Variants in RFTN1 observed in about 807,000 individuals in gnomAD.
RFTN1 encodes raftlin.
In RFTN1, 26 loss-of-function variants were observed where a neutral mutation model predicts 46.5. That is an observed-to-expected ratio of 0.56 (90% CI 0.41 to 0.78). The LOEUF is 0.78. RFTN1 is among the 30% of genes least tolerant of loss of function. The probability of loss-of-function intolerance (pLI) is 0.00; values close to 1 mark genes in which losing one functional copy is unlikely to be tolerated. For synonymous variants in RFTN1, 261 were observed against 284.2 expected, an observed-to-expected ratio of 0.92 and a Z score of 0.82; for missense variants, 693 against 718.7, an observed-to-expected ratio of 0.96 and a Z score of 0.41.
intron 5 of RFTN1, 138 bp downstream of exon 5, chr3:16,377,576 TGATA>T: frequency 1.5e-6 from 2 of 1,344,824 alleles, no homozygotes; most frequent in Non-Finnish European, 9.9e-7. Context: ...GATAACTGCT[TGATA>T]AAGTTTCTCC....
rs690268 is a variant in RFTN1 at position 16,361,556 on chromosome 3, C to G, written c.1031-3509G>C. 0.48 allele frequency among the ~76,000 whole-genome samples: 72,821 copies of G among 151,912 alleles called. 18,332 individuals carry two copies. The highest frequency in any genetic ancestry group is 0.59 in the Middle Eastern group (173 of 294). On this transcript the variant is annotated intron_variant, in intron 6 of 9. Coordinates refer to ENST00000334133, the MANE Select transcript of RFTN1 (RefSeq NM_015150.2). This position sits in a 1 kb window ranked among gnomAD's most constrained non-coding sequence, Gnocchi z 4.3. ...TCGAGTGAACTAAGCAAGCAAGGAA[C>G]ATGGATCTGCAGGGTTTGAGAGTTC...
At chr3:16,456,962 T>G (rs192924641) in intron 2 of RFTN1, among the ~76,000 whole-genome samples, 26 of 152,322 alleles carry the variant, frequency 1.7e-4, no homozygotes, top group Middle Eastern at 3.4e-3. Flanking sequence ...ACCACTTCTG[T>G]CATAAAAACA....
intron 6 of RFTN1, among the ~76,000 whole-genome samples, chr3:16,367,356 C>T (rs1163762772): frequency 7.1e-6 from 1 of 141,318 alleles, no homozygotes; most frequent in African/African-American, 2.6e-5. Flanking sequence ...TTGGACTTTT[C>T]CAGAGCAGAA....
At position 16,320,710 on chromosome 3, in the gene RFTN1, T is replaced by C. The variant is rs137999030; in HGVS notation, c.1332+2666A>G. ...CGAGTAGAGCTAGAAAGGAGGAGAA[T>C]GTCCTTGGCAGAGGGGACACGGAAG... is the stretch of plus-strand genomic sequence containing the variant. On this transcript the variant is annotated intron_variant, in intron 9 of 9. Coordinates refer to ENST00000334133, the MANE Select transcript of RFTN1 (RefSeq NM_015150.2). This position sits in a 1 kb window ranked among gnomAD's most constrained non-coding sequence, Gnocchi z 4.5. Among the ~76,000 whole-genome samples, 277 of 152,234 alleles carry C rather than the reference T, an allele frequency of 1.8e-3. 2 individuals carry two copies. Among genetic ancestry groups the C allele is most frequent in the Middle Eastern group, 3.4e-3 (1 of 294 alleles).
At position 16,446,178 on chromosome 3, in the gene RFTN1, C is replaced by T. The variant is rs1270946898; in HGVS notation, c.146-12141G>A. On this transcript the variant is annotated intron_variant, in intron 2 of 9. Coordinates refer to ENST00000334133, the MANE Select transcript of RFTN1 (RefSeq NM_015150.2). The surrounding 1 kb of genome is among the most constrained non-coding windows in gnomAD (Gnocchi z 4.5). ...CTGGTGGATGGTGAACTCTGGGGTCCCCATATTCCCTGGGCCCTAAAGCAG... is the reference window on the plus strand; with the variant it reads ...CTGGTGGATGGTGAACTCTGGGGTCTCCATATTCCCTGGGCCCTAAAGCAG... 1.3e-5 allele frequency among the ~76,000 whole-genome samples: 2 copies of T among 151,758 alleles called. No homozygotes were observed. Among genetic ancestry groups the T allele is most frequent in the African/African-American group, 4.8e-5 (2 of 41,254 alleles).
Position 16,479,994 on chromosome 3 carries a change from A to C in RFTN1, c.145+13731T>G, listed in dbSNP as rs189371206. 5.2e-4 allele frequency among the ~76,000 whole-genome samples: 79 copies of C among 151,678 alleles called. 1 individual carries two copies. Among genetic ancestry groups the C allele is most frequent in the African/African-American group, 1.8e-3 (76 of 41,340 alleles). ...CAGACACCAGACTAGGACATTAAAAACTCCAGAATTTGGTGGGATGTTTCA... is the reference window on the plus strand; with the variant it reads ...CAGACACCAGACTAGGACATTAAAACCTCCAGAATTTGGTGGGATGTTTCA... On this transcript the variant is annotated intron_variant, in intron 2 of 9. Transcript: ENST00000334133. The surrounding 1 kb of genome is among the most constrained non-coding windows in gnomAD (Gnocchi z 5.1).
Position 16,337,368 on chromosome 3 carries a change from T to G in RFTN1, c.1147-10492A>C, listed in dbSNP as rs767555583. On this transcript the variant is annotated intron_variant, in intron 7 of 9. Coordinates refer to ENST00000334133, the MANE Select transcript of RFTN1 (RefSeq NM_015150.2). The surrounding 1 kb of genome is among the most constrained non-coding windows in gnomAD (Gnocchi z 5.0). Reference sequence around the variant, plus strand: ...GCTTTATTACACAGCAGAAGCTAACTGGTGTATTACTATTATTACTATTAT... The same window carrying G: ...GCTTTATTACACAGCAGAAGCTAACGGGTGTATTACTATTATTACTATTAT... 6.6e-6 allele frequency: 1 copy of G among 152,228 alleles called. No individual in the cohort carries two copies. Among genetic ancestry groups the G allele is most frequent in the African/African-American group, 2.4e-5 (1 of 41,454 alleles). The allele number at this position is 152,228 out of a possible 1,614,324, so 9.4% of individuals were successfully genotyped here.
chr3:16,328,426 A>C (rs1011310916), intron 7 of RFTN1, among the ~76,000 whole-genome samples: 1 of 152,182 alleles, frequency 6.6e-6, no homozygotes, highest in Non-Finnish European at 1.5e-5. Flanking sequence ...GGCGAGTGGG[A>C]TGGAAGGCAG....
chr3:16,349,733 T>G (rs915620174), intron 7 of RFTN1: 1 of 152,252 alleles, frequency 6.6e-6, no homozygotes, highest in African/African-American at 2.4e-5. Context: ...CATCACAGCA[T>G]TTGTATCTGA....
intron 2 of RFTN1, 125 bp downstream of exon 2, chr3:16,493,600 A>C: frequency 2.4e-6 from 2 of 849,736 alleles, no homozygotes; most frequent in Non-Finnish European, 1.8e-6. Flanking sequence ...CCCTTGAGAC[A>C]GGCCTGCCCT....
rs1290088582 is a variant in RFTN1 at position 16,427,750 on chromosome 3, A to G, written c.332+6101T>C. Reference sequence around the variant, plus strand: ...GGCCCTGGCCTGAGGGGCTCATTACAGCACCACACACAGCCTCCTCCAGGC... The same window carrying G: ...GGCCCTGGCCTGAGGGGCTCATTACGGCACCACACACAGCCTCCTCCAGGC... On this transcript the variant is annotated intron_variant, in intron 3 of 9. Coordinates refer to ENST00000334133, the MANE Select transcript of RFTN1 (RefSeq NM_015150.2). The surrounding 1 kb of genome is among the most constrained non-coding windows in gnomAD (Gnocchi z 5.4). Among the ~76,000 whole-genome samples, 1 of 152,212 alleles carries G rather than the reference A, an allele frequency of 6.6e-6. No individual in the cohort carries two copies. Among genetic ancestry groups the G allele is most frequent in the Non-Finnish European group, 1.5e-5 (1 of 68,038 alleles).
In RFTN1 at chr3:16,380,941, A is replaced by C. The variant is rs1189915227; in HGVS notation, c.442-2839T>G. On this transcript the variant is annotated intron_variant, in intron 4 of 9. Transcript: ENST00000334133. This position sits in a 1 kb window ranked among gnomAD's most constrained non-coding sequence, Gnocchi z 4.8. ...CCTTGAAGGTAGGGATGGAGACATT[A>C]ATTTTTCAGCTGTAGAATCCAACAA... 6.6e-6 allele frequency among the ~76,000 whole-genome samples: 1 copy of C among 152,178 alleles called. No individual in the cohort carries two copies. Among genetic ancestry groups the C allele is most frequent in the African/African-American group, 2.4e-5 (1 of 41,442 alleles).
Position 16,413,751 on chromosome 3 carries a change from T to C in RFTN1, c.333-4268A>G, listed in dbSNP as rs1012447028. 1.1e-4 allele frequency among the ~76,000 whole-genome samples: 17 copies of C among 152,164 alleles called. No homozygotes were observed. The highest frequency in any genetic ancestry group is 3.9e-4 in the African/African-American group (16 of 41,438). On this transcript the variant is annotated intron_variant, in intron 3 of 9. Transcript: ENST00000334133. The surrounding 1 kb of genome is among the most constrained non-coding windows in gnomAD (Gnocchi z 4.7). ...ACTCTGAGGAGAGCATGACTAATAA[T>C]AAAATATGCTTCCCCATCACTCGCC...
In RFTN1 at chr3:16,377,635, TTC is replaced by T. The variant is rs2073827386; in HGVS notation, c.826+81_826+82del. On this transcript the variant is annotated intron_variant, in intron 5 of 9. Transcript: ENST00000334133. ...TCTACACTCTAAATTCCATTCCTTT[TTC>T]TCTGAGATACCATGGGGATTAATGA... 3 of 1,508,472 alleles carry T rather than the reference TTC, an allele frequency of 2.0e-6. No homozygotes were observed. In the Admixed American group the frequency reaches 6.7e-5, roughly 34 times the overall value. The allele number at this position is 1,508,472 out of a possible 1,614,324, so 93.4% of individuals were successfully genotyped here. A position where few individuals can be genotyped will look rare whatever the true frequency, so the allele number is the denominator to read the frequency against.
intron 2 of RFTN1, among the ~76,000 whole-genome samples, chr3:16,436,357 A>G (rs1160508070): frequency 2.3e-5 from 3 of 130,990 alleles, no homozygotes; most frequent in African/African-American, 8.3e-5. Flanking sequence ...TGAAAAAAAA[A>G]ATTTTTTTTT....
At chr3:16,331,962 A>G (rs2070360315) in intron 7 of RFTN1, among the ~76,000 whole-genome samples, 3 of 152,242 alleles carry the variant, frequency 2.0e-5, no homozygotes, top group Admixed American at 1.3e-4. Flanking sequence ...AGATGTCAGC[A>G]ATGCTATTGA....
In RFTN1 at chr3:16,382,446, T is replaced by C. The variant is rs780956918; in HGVS notation, c.442-4344A>G. ...AACCTTTACTGAGCCAGTCTCACAT[T>C]CATCATGGTGGTGGGCATGCGATGT... On this transcript the variant is annotated intron_variant, in intron 4 of 9. Coordinates refer to ENST00000334133, the MANE Select transcript of RFTN1 (RefSeq NM_015150.2). The surrounding 1 kb of genome is among the most constrained non-coding windows in gnomAD (Gnocchi z 4.7). 4.6e-5 allele frequency among the ~76,000 whole-genome samples: 7 copies of C among 152,210 alleles called. No homozygotes were observed. The highest frequency in any genetic ancestry group is 7.3e-5 in the Non-Finnish European group (5 of 68,044).
chr3:16,357,233 A>C (rs888546208), intron 7 of RFTN1, among the ~76,000 whole-genome samples: 2 of 152,188 alleles, frequency 1.3e-5, no homozygotes, highest in African/African-American at 4.8e-5. Flanking sequence ...ACAAGAGACT[A>C]GGCTAAAAAG....
chr3:16,422,718 A>C lies in RFTN1; in HGVS notation c.332+11133T>G, dbSNP rs557542713. Among the ~76,000 whole-genome samples the C allele has an allele frequency of 6.6e-6, 1 of 152,342 alleles. No individual in the cohort carries two copies. Among genetic ancestry groups the C allele is most frequent in the South Asian group, 2.1e-4 (1 of 4,826 alleles). ...ATAACATGGTTCTGGCACAAAAATC[A>C]ATAAGTAGATCAAAGAAACAATAAA... On this transcript the variant is annotated intron_variant, in intron 3 of 9. Coordinates refer to ENST00000334133, the MANE Select transcript of RFTN1 (RefSeq NM_015150.2). The surrounding 1 kb of genome is among the most constrained non-coding windows in gnomAD (Gnocchi z 4.6).
Sources: gnomAD v4.1 joint callset for allele counts (sites outside exome capture counted in the v4.1 genomes callset) on GRCh38, gnomAD v4.1.1 for gene constraint, Gnocchi (gnomAD v3.1) non-coding constraint, MANE v1.5 for transcripts, NCBI Gene and HGNC (gene_info 2026-07-23, HGNC 2026-07-21) for gene names.